MAGI2: variants seen among roughly 807,000 people sequenced by gnomAD.
The protein encoded by MAGI2 is membrane-associated guanylate kinase, WW and PDZ domain-containing protein 2.
MAGI2 carries 35 observed loss-of-function variants against 133.3 expected under a neutral mutation model. The ratio of observed to expected loss-of-function variants is 0.26; its 90% CI spans 0.20 to 0.35. The LOEUF is 0.35. Ranked by LOEUF, MAGI2 falls within the 10% of genes least tolerant of loss-of-function variation. The pLI, the probability that MAGI2 is intolerant of heterozygous loss-of-function variation, is 1.00. For synonymous variants in MAGI2, 729 were observed against 710.6 expected (o/e 1.03, Z -0.41); for missense variants, 1,636 against 1,863.4 (o/e 0.88, Z 2.25).
intron 10 of MAGI2, among the ~76,000 whole-genome samples, chr7:78,239,527 T>A (rs1290014215): frequency 6.7e-6 from 1 of 149,126 alleles, no homozygotes; most frequent in African/African-American, 2.4e-5. Context: ...AGGGTTAATA[T>A]CTAAAATATA....
intron 2 of MAGI2, among the ~76,000 whole-genome samples, chr7:78,751,431 G>T (rs895561058): frequency 1.3e-5 from 2 of 152,162 alleles, no homozygotes; most frequent in Admixed American, 6.5e-5. Context: ...GCAAAAGGAC[G>T]ACAGAAGTCC....
chr7:78,197,235 C>G (rs990121094), intron 11 of MAGI2, among the ~76,000 whole-genome samples: 3 of 152,172 alleles, frequency 2.0e-5, no homozygotes, highest in Admixed American at 1.3e-4. Flanking sequence ...AAGGCATATC[C>G]TCGGTAATTT....
In MAGI2 at chr7:78,782,759, C is replaced by T. The variant is rs574740362; in HGVS notation, c.419-155520G>A. On this transcript the variant is annotated intron_variant, in intron 2 of 21. Transcript: ENST00000354212. ...ATATGGCCTGGGCAAAGCTGACAAA[C>T]GTGGTGCCGAACAGCTTTTTTGTAA... Among the ~76,000 whole-genome samples, 5 of 152,174 alleles carry T rather than the reference C, an allele frequency of 3.3e-5. No homozygotes were observed. The South Asian group carries it at 6.2e-4, about 19-fold the overall frequency.
intron 3 of MAGI2, among the ~76,000 whole-genome samples, chr7:78,574,415 T>C (rs1407156255): frequency 6.6e-6 from 1 of 152,256 alleles, no homozygotes; most frequent in Non-Finnish European, 1.5e-5. Flanking sequence ...TGGATTTATA[T>C]ATTTTACCAT....
chr7:78,361,997 C>G (rs1025306657), intron 7 of MAGI2, among the ~76,000 whole-genome samples: 3 of 151,934 alleles, frequency 2.0e-5, no homozygotes, highest in South Asian at 4.2e-4. Flanking sequence ...GTGAAAGGAT[C>G]GTGGTATAAA....
At chr7:79,356,475 GC>G (rs1842024504) in intron 1 of MAGI2, among the ~76,000 whole-genome samples, 1 of 151,880 alleles carries the variant, frequency 6.6e-6, no homozygotes, top group African/African-American at 2.4e-5. Context: ...GAAATGAAAA[GC>G]AAAAAAAGTT....
intron 1 of MAGI2, among the ~76,000 whole-genome samples, chr7:79,264,859 C>CAG (rs150944484): frequency 0.013 from 1,875 of 145,722 alleles, 36 homozygotes; most frequent in African/African-American, 0.041. Context: ...GAGAGAGACA[C>CAG]AGAGAGAGAG....
chr7:78,940,488 A>T (rs1279708194), intron 2 of MAGI2: 2 of 152,104 alleles, frequency 1.3e-5, no homozygotes, highest in African/African-American at 2.4e-5. Context: ...TGGAACGGAG[A>T]GTTGATGTCA....
intron 1 of MAGI2, among the ~76,000 whole-genome samples, chr7:79,305,727 G>A (rs1837732547): frequency 6.6e-6 from 1 of 152,012 alleles, no homozygotes; most frequent in Admixed American, 6.6e-5. Flanking sequence ...AGACAAAACA[G>A]TGAGACCCTG....
chr7:79,439,211 C>T (rs1848338069), intron 1 of MAGI2, among the ~76,000 whole-genome samples: 1 of 152,132 alleles, frequency 6.6e-6, no homozygotes, highest in Non-Finnish European at 1.5e-5. Flanking sequence ...TCAAAGATCT[C>T]TTATTCTATG....
rs541997104 is a variant in MAGI2 at position 78,132,990 on chromosome 7, T to C, written c.3102A>G (p.Ala1034=). ...QSPMAQQSPL[A]QQSPLAQPSP... is the part of the protein sequence containing the mutation. Reference sequence around the variant, plus strand: ...TTGGCTGGGCCAGGGGACTCTGCTGTGCCAGGGGACTCTGCTGCGCCATGG... The same window carrying C: ...TTGGCTGGGCCAGGGGACTCTGCTGCGCCAGGGGACTCTGCTGCGCCATGG... Residue 1034 remains alanine, a synonymous_variant, in exon 18 of 22, where the codon GCA becomes GCG. Transcript: ENST00000354212. 18 of 1,610,962 alleles carry C rather than the reference T, an allele frequency of 1.1e-5. No homozygotes were observed. Among genetic ancestry groups the C allele is most frequent in the African/African-American group, 1.1e-4 (8 of 74,700 alleles).
intron 3 of MAGI2, among the ~76,000 whole-genome samples, chr7:78,606,602 T>C (rs77458131): frequency 0.045 from 6,870 of 152,204 alleles, 217 homozygotes; most frequent in East Asian, 0.082. Context: ...TATTTGTGTA[T>C]ATATTCTATA....
intron 2 of MAGI2, among the ~76,000 whole-genome samples, chr7:78,897,640 T>A: frequency 6.6e-6 from 1 of 152,210 alleles, no homozygotes; most frequent in East Asian, 1.9e-4. Context: ...ATATAAATTT[T>A]AAAATGTTTT....
intron 9 of MAGI2, among the ~76,000 whole-genome samples, chr7:78,267,439 CTT>C (rs1794129828): frequency 6.6e-6 from 1 of 152,152 alleles, no homozygotes; most frequent in Non-Finnish European, 1.5e-5. Context: ...CATTGACAGA[CTT>C]TGATTGTTCA....
At chr7:78,943,322 A>C (rs1283035979) in intron 2 of MAGI2, among the ~76,000 whole-genome samples, 1 of 152,184 alleles carries the variant, frequency 6.6e-6, no homozygotes, top group Admixed American at 6.5e-5. Flanking sequence ...AGGCTTTGGC[A>C]AAAAGCTTTA....
Position 78,168,151 on chromosome 7 carries a change from C to T in MAGI2, c.2404-43G>A, listed in dbSNP as rs1272806607. 1.3e-5 allele frequency: 19 copies of T among 1,486,324 alleles called. No individual in the cohort carries two copies. In the African/African-American group the frequency reaches 2.0e-4, roughly 16 times the overall value. 92.1% of individuals were successfully genotyped at this position (1,486,324 alleles called of 1,614,324 possible). On this transcript the variant is annotated intron_variant, in intron 14 of 21. Coordinates refer to ENST00000354212, the MANE Select transcript of MAGI2 (RefSeq NM_012301.4). ...AGGAAAGGACATTCACATTTCAATCCTTTTTCCTTTTTTTTTTTTTTCGAA... is the reference window on the plus strand; with the variant it reads ...AGGAAAGGACATTCACATTTCAATCTTTTTTCCTTTTTTTTTTTTTTCGAA...
chr7:79,369,790 C>T (rs972042175), intron 1 of MAGI2, among the ~76,000 whole-genome samples: 5 of 152,078 alleles, frequency 3.3e-5, no homozygotes, highest in African/African-American at 1.2e-4. Flanking sequence ...ATTAATACAT[C>T]ATCCACTGCA....
At chr7:78,067,517 C>T (rs1248898394) in intron 21 of MAGI2, among the ~76,000 whole-genome samples, 1 of 152,150 alleles carries the variant, frequency 6.6e-6, no homozygotes, top group East Asian at 1.9e-4. Flanking sequence ...GCTGAACCGA[C>T]CAGAGACCTT....
At chr7:78,642,125 G>T (rs997477043) in intron 2 of MAGI2, among the ~76,000 whole-genome samples, 2 of 152,140 alleles carry the variant, frequency 1.3e-5, no homozygotes, top group African/African-American at 4.8e-5. Flanking sequence ...TTACGCTGTT[G>T]TATCTGTAAT....
Sources: gnomAD v4.1 joint callset for allele counts (sites outside exome capture counted in the v4.1 genomes callset) on GRCh38, gnomAD v4.1.1 for gene constraint, MANE v1.5 for transcripts, NCBI Gene and HGNC (gene_info 2026-07-23, HGNC 2026-07-21) for gene names.